The following RPS6KC1 variants were observed in gnomAD, a reference collection of about 807,000 sequenced individuals.
RPS6KC1 encodes inactive ribosomal protein S6 kinase delta-1.
RPS6KC1 carries 54 observed loss-of-function variants against 103.8 expected under a neutral mutation model. That is an observed-to-expected ratio of 0.52 (90% CI 0.42 to 0.65). RPS6KC1 has a LOEUF of 0.65. Among genes scored for constraint, RPS6KC1 ranks in the 30% least tolerant of loss-of-function variants. The probability of loss-of-function intolerance (pLI) is 0.00; values close to 1 mark genes in which losing one functional copy is unlikely to be tolerated. For missense variants in RPS6KC1, 1,151 were observed against 1,253.8 expected (o/e 0.92, Z 1.24); for synonymous variants, 439 against 438.7 (o/e 1.00, Z -0.01).
the RPS6KC1 span, among the ~76,000 whole-genome samples, chr1:213,615,813 T>C: frequency 6.6e-6 from 1 of 152,186 alleles, no homozygotes; most frequent in Non-Finnish European, 1.5e-5. Context: ...TGCTTCCCTT[T>C]GAGAAGGCTC....
chr1:213,443,400 T>C, the RPS6KC1 span, among the ~76,000 whole-genome samples: 1 of 152,248 alleles, frequency 6.6e-6, no homozygotes, highest in African/African-American at 2.4e-5. Flanking sequence ...TGTAGGGTTG[T>C]ACAGTGTACA....
At chr1:213,532,952 A>G in the RPS6KC1 span, among the ~76,000 whole-genome samples, 3 of 152,178 alleles carry the variant, frequency 2.0e-5, no homozygotes, top group African/African-American at 7.2e-5. Context: ...CTATCTGGGG[A>G]GAGCAGAGGG....
At chr1:213,323,625 C>G in the RPS6KC1 span, among the ~76,000 whole-genome samples, 2 of 152,324 alleles carry the variant, frequency 1.3e-5, no homozygotes, top group Non-Finnish European at 2.9e-5. Context: ...TATCAAGTCC[C>G]TATTGCCCCG....
At chr1:213,127,879 G>A (rs1187804296) in intron 5 of RPS6KC1, among the ~76,000 whole-genome samples, 1 of 152,144 alleles carries the variant, frequency 6.6e-6, no homozygotes, top group African/African-American at 2.4e-5. Context: ...GTATTTTCAG[G>A]ATGACCAATG....
chr1:213,388,375 G>A, the RPS6KC1 span, among the ~76,000 whole-genome samples: 1 of 152,262 alleles, frequency 6.6e-6, no homozygotes, highest in Admixed American at 6.5e-5. Context: ...CGCTTGAGGT[G>A]TGTGGAGCAT....
chr1:213,577,283 C>A, the RPS6KC1 span, among the ~76,000 whole-genome samples: 1 of 152,202 alleles, frequency 6.6e-6, no homozygotes, highest in African/African-American at 2.4e-5. Flanking sequence ...CACTTTCCAC[C>A]ATGATTGTGA....
At chr1:213,785,642 G>A in the RPS6KC1 span, among the ~76,000 whole-genome samples, 11,541 of 152,100 alleles carry the variant, frequency 0.076, 559 homozygotes, top group African/African-American at 0.14. Context: ...AATGCCTGCC[G>A]TGGATGGGGA....
chr1:213,507,524 T>A, the RPS6KC1 span, among the ~76,000 whole-genome samples: 2 of 150,692 alleles, frequency 1.3e-5, no homozygotes, highest in Non-Finnish European at 2.9e-5. Flanking sequence ...TTATACAGTC[T>A]GAGATGATTC....
the RPS6KC1 span, among the ~76,000 whole-genome samples, chr1:213,743,571 A>C: frequency 6.6e-6 from 1 of 152,200 alleles, no homozygotes; most frequent in Non-Finnish European, 1.5e-5. Context: ...AGAAAGCCTG[A>C]CTTCAATGCC....
chr1:213,330,780 A>C, the RPS6KC1 span, among the ~76,000 whole-genome samples: 2 of 152,206 alleles, frequency 1.3e-5, no homozygotes, highest in Non-Finnish European at 2.9e-5. Context: ...TCTTTTCTTG[A>C]GAAGGTGAAC....
the RPS6KC1 span, among the ~76,000 whole-genome samples, chr1:213,587,119 T>C: frequency 1.2e-3 from 177 of 152,344 alleles, no homozygotes; most frequent in African/African-American, 4.1e-3. Flanking sequence ...GTTTACATTT[T>C]ACCTTTATGC....
chr1:213,457,421 C>G, the RPS6KC1 span, among the ~76,000 whole-genome samples: 1 of 152,210 alleles, frequency 6.6e-6, no homozygotes, highest in Non-Finnish European at 1.5e-5. Context: ...TGAACCCCTT[C>G]CAGGGATCTT....
chr1:213,847,997 A>G, the RPS6KC1 span, among the ~76,000 whole-genome samples: 20 of 152,176 alleles, frequency 1.3e-4, no homozygotes, highest in African/African-American at 4.8e-4. Context: ...AGAGAGAAAG[A>G]GAGAGAAGCA....
At chr1:213,862,358 G>A in the RPS6KC1 span, among the ~76,000 whole-genome samples, 2 of 152,166 alleles carry the variant, frequency 1.3e-5, no homozygotes, top group Admixed American at 1.3e-4. Context: ...GGTCCGGAGG[G>A]TCACATTGGG....
intron 1 of RPS6KC1, among the ~76,000 whole-genome samples, chr1:213,065,297 C>T (rs993534561): frequency 1.3e-5 from 2 of 152,122 alleles, no homozygotes; most frequent in African/African-American, 4.8e-5. Flanking sequence ...TTAATGAAAA[C>T]AGTCACTGTT....
intron 3 of RPS6KC1, among the ~76,000 whole-genome samples, chr1:213,088,031 G>A (rs2080584666): frequency 6.6e-6 from 1 of 152,138 alleles, no homozygotes; most frequent in Non-Finnish European, 1.5e-5. Context: ...ACTGCAGATG[G>A]TAGGTACCCC....
intron 8 of RPS6KC1, among the ~76,000 whole-genome samples, chr1:213,206,250 T>C (rs1011169771): frequency 6.6e-6 from 1 of 152,220 alleles, no homozygotes; most frequent in African/African-American, 2.4e-5. Context: ...AGGGCTTGGG[T>C]TTTATAATCT....
the RPS6KC1 span, among the ~76,000 whole-genome samples, chr1:213,402,329 C>A: frequency 6.6e-6 from 1 of 152,182 alleles, no homozygotes; most frequent in African/African-American, 2.4e-5. Context: ...GGAGCTGACA[C>A]TGCCTTTGGC....
intron 6 of RPS6KC1, among the ~76,000 whole-genome samples, chr1:213,151,135 T>A (rs1572857686): frequency 7.6e-6 from 1 of 130,968 alleles, no homozygotes; most frequent in African/African-American, 2.9e-5. Flanking sequence ...CCCCCCCACC[T>A]CCCTCCCGGA....
Sources: gnomAD v4.1 joint callset for allele counts (sites outside exome capture counted in the v4.1 genomes callset) on GRCh38, gnomAD v4.1.1 for gene constraint, MANE v1.5 for transcripts, NCBI Gene and HGNC (gene_info 2026-07-23, HGNC 2026-07-21) for gene names.